Variants in DNTTIP1 observed in about 807,000 individuals in gnomAD.
DNTTIP1 encodes deoxynucleotidyltransferase terminal interacting protein 1, also known as deoxynucleotidyltransferase terminal-interacting protein 1.
In DNTTIP1, 22 loss-of-function variants were observed where a neutral mutation model predicts 52.9. That is an observed-to-expected ratio of 0.42 (90% confidence interval 0.30 to 0.59). DNTTIP1 has a LOEUF of 0.59. DNTTIP1 is among the 20% of genes least tolerant of loss of function. The probability of loss-of-function intolerance (pLI) is 0.22; values close to 1 mark genes in which losing one functional copy is unlikely to be tolerated. For missense variants in DNTTIP1, 286 were observed against 435.5 expected (o/e 0.66, Z 3.06); for synonymous variants, 136 against 155.1 (o/e 0.88, Z 0.92).
chr20:45,806,695 G>T (rs4812964), intron 10 of DNTTIP1, among the ~76,000 whole-genome samples: 8,763 of 152,304 alleles, frequency 0.058, 632 homozygotes, highest in African/African-American at 0.16. Flanking sequence ...TTCTTTGAAA[G>T]GCATACCTGC....
At chr20:45,795,951 AT>A (rs903215190) in intron 4 of DNTTIP1, among the ~76,000 whole-genome samples, 44 of 151,558 alleles carry the variant, frequency 2.9e-4, no homozygotes, top group Admixed American at 2.0e-3. Context: ...TAAATGCATT[AT>A]TTTTTTTTAT....
rs1217506806 is a variant in DNTTIP1, at chr20:45,808,732, G to A, written c.724-382G>A. On this transcript the variant is annotated intron_variant, in intron 10 of 12. Transcript: ENST00000372622. ...TTAACCATGATGCTATTATGCGTCC[G>A]AGAGTACATGAGGTGTCCCGATTTT... 5.9e-5 allele frequency among the ~76,000 whole-genome samples: 9 copies of A among 152,090 alleles called. No homozygotes were observed. The East Asian group carries it at 9.6e-4, about 16-fold the overall frequency.
At position 45,809,614 on chromosome 20, in the gene DNTTIP1, A is replaced by C. The variant is rs142884508; in HGVS notation, c.795+429A>C. On this transcript the variant is annotated intron_variant, in intron 11 of 12. Transcript: ENST00000372622. The surrounding 1 kb of genome is among the most constrained non-coding windows in gnomAD (Gnocchi z 4.2). ...CCTTGTCAGTAGGAGTTAGCAATGA[A>C]ATGTGTTTGCACACTTGGCAGCCCC... Among the ~76,000 whole-genome samples the C allele has an allele frequency of 7.3e-3, 1,114 of 152,380 alleles. 8 individuals are homozygous for C. Among genetic ancestry groups the C allele is most frequent in the Non-Finnish European group, 0.012 (830 of 68,036 alleles).
intron 4 of DNTTIP1, among the ~76,000 whole-genome samples, chr20:45,799,534 T>C (rs1023487056): frequency 7.2e-5 from 11 of 152,180 alleles, no homozygotes; most frequent in Middle Eastern, 3.2e-3. Context: ...GCCCAGCTTT[T>C]TTTACAGCCT....
At chr20:45,794,544 T>C (rs995024171) in intron 3 of DNTTIP1, among the ~76,000 whole-genome samples, 1 of 151,746 alleles carries the variant, frequency 6.6e-6, no homozygotes, top group Non-Finnish European at 1.5e-5. Context: ...ACGCACGTGG[T>C]TTTTTTTGCT....
At position 45,800,688 on chromosome 20, in the gene DNTTIP1, AAAAAAAATATATATATATATATAT is replaced by A. The variant is rs1568707626; in HGVS notation, c.373-384_373-361del. Among the ~76,000 whole-genome samples, 30 of 55,876 alleles carry A rather than the reference AAAAAAAATATATATATATATATAT, an allele frequency of 5.4e-4. 2 individuals carry two copies. The highest frequency in any genetic ancestry group is 2.7e-3 in the African/African-American group (29 of 10,824). The allele number at this position is 55,876 out of a possible 152,430, so 36.7% of individuals were successfully genotyped here. A position where few individuals can be genotyped will look rare whatever the true frequency, so the allele number is the denominator to read the frequency against. ...AAACTCCATCTCAATTTAAAAAAAA[AAAAAAAATATATATATATATATAT>A]ATATATATATATATATATATATATA... On this transcript the variant is annotated intron_variant, in intron 4 of 12. Coordinates refer to ENST00000372622, the MANE Select transcript of DNTTIP1 (RefSeq NM_052951.3).
chr20:45,795,089 C>T (rs1398797188), intron 3 of DNTTIP1, among the ~76,000 whole-genome samples: 5 of 152,104 alleles, frequency 3.3e-5, no homozygotes, highest in Non-Finnish European at 5.9e-5. Flanking sequence ...TGAGCCACCG[C>T]GCCCGTCCTG....
Position 45,795,326 on chromosome 20 carries a change from C to G in DNTTIP1, c.274-19C>G, listed in dbSNP as rs762755306. 13 of 1,534,780 alleles carry G rather than the reference C, an allele frequency of 8.5e-6. No individual in the cohort carries two copies. The South Asian group carries it at 1.5e-4, about 18-fold the overall frequency. ...ACATTAACAGGACTCTGACCTTGTC[C>G]TCTGTTGTGCTCCCCTAGTTCTTCC... is the stretch of plus-strand genomic sequence containing the variant. On this transcript the variant is annotated intron_variant, in intron 3 of 12. Coordinates refer to ENST00000372622, the MANE Select transcript of DNTTIP1 (RefSeq NM_052951.3).
rs1432112830 is a variant in DNTTIP1 at position 45,800,734 on chromosome 20, T to C, written c.373-340T>C. ...ATATATATATATATATATATATATA[T>C]ATATATATATATATATATATATTTG... On this transcript the variant is annotated intron_variant, in intron 4 of 12. Coordinates refer to ENST00000372622, the MANE Select transcript of DNTTIP1 (RefSeq NM_052951.3). Among the ~76,000 whole-genome samples the C allele has an allele frequency of 8.3e-5, 5 of 60,598 alleles. 1 individual carries two copies. Among genetic ancestry groups the C allele is most frequent in the Non-Finnish European group, 9.6e-5 (3 of 31,302 alleles). 39.8% of individuals were successfully genotyped at this position (60,598 alleles called of 152,430 possible).
chr20:45,796,867 C>T (rs553599345), intron 4 of DNTTIP1, among the ~76,000 whole-genome samples: 2 of 152,244 alleles, frequency 1.3e-5, no homozygotes, highest in South Asian at 4.2e-4. Context: ...GATCATTTCG[C>T]GTTTCTTGGA....
intron 4 of DNTTIP1, among the ~76,000 whole-genome samples, chr20:45,799,365 C>G (rs1486789957): frequency 2.0e-5 from 3 of 152,186 alleles, no homozygotes; most frequent in South Asian, 4.1e-4. Context: ...AGGGGGAGCC[C>G]TCAGCACTGT....
At position 45,801,898 on chromosome 20, in the gene DNTTIP1, T is replaced by C. The variant is rs6094212; in HGVS notation, c.499-101T>C. The stretch of plus-strand genomic sequence containing the variant: ...CCTGTCCCTGTCAAACATCATTTGA[T>C]CTCTTTGGAAAACCATCTCTGCCAA... On this transcript the variant is annotated intron_variant, in intron 6 of 12. Transcript: ENST00000372622. 6.6e-4 allele frequency: 766 copies of C among 1,159,338 alleles called. 8 individuals are homozygous for C. In the African/African-American group the frequency reaches 0.01, roughly 16 times the overall value. 71.8% of individuals were successfully genotyped at this position (1,159,338 alleles called of 1,614,324 possible).
intron 8 of DNTTIP1, among the ~76,000 whole-genome samples, chr20:45,803,939 T>C (rs543924438): frequency 6.6e-6 from 1 of 152,310 alleles, no homozygotes; most frequent in South Asian, 2.1e-4. Context: ...TCCCTCTCTC[T>C]CCTGAGTTCT....
In DNTTIP1 at chr20:45,803,724, A is replaced by G. The variant is rs1015060606; in HGVS notation, c.603+346A>G. ...TCTTTATAACAAACTTATGAGATCAATTCTGTGAACCATTCTATAAATGAG... is the reference window on the plus strand; with the variant it reads ...TCTTTATAACAAACTTATGAGATCAGTTCTGTGAACCATTCTATAAATGAG... On this transcript the variant is annotated intron_variant, in intron 8 of 12. Transcript: ENST00000372622. 2.6e-5 allele frequency among the ~76,000 whole-genome samples: 4 copies of G among 152,200 alleles called. No individual in the cohort carries two copies. In the East Asian group the frequency reaches 5.8e-4, roughly 22 times the overall value.
chr20:45,809,565 C>T lies in DNTTIP1; in HGVS notation c.795+380C>T, dbSNP rs965360104. Among the ~76,000 whole-genome samples, 3 of 152,252 alleles carry T rather than the reference C, an allele frequency of 2.0e-5. No homozygotes were observed. The highest frequency in any genetic ancestry group is 4.4e-5 in the Non-Finnish European group (3 of 68,042). On this transcript the variant is annotated intron_variant, in intron 11 of 12. Transcript: ENST00000372622. This position sits in a 1 kb window ranked among gnomAD's most constrained non-coding sequence, Gnocchi z 4.2. ...CAGACACAGCTATAGAATCTTTTCTCAACACAGTACTTGAGGCAGCAACCC... is the reference window on the plus strand; with the variant it reads ...CAGACACAGCTATAGAATCTTTTCTTAACACAGTACTTGAGGCAGCAACCC...
At chr20:45,798,688 C>T (rs774225537) in intron 4 of DNTTIP1, among the ~76,000 whole-genome samples, 34 of 152,106 alleles carry the variant, frequency 2.2e-4, no homozygotes, top group Admixed American at 4.6e-4. Flanking sequence ...TCTATAAAGC[C>T]GGCTCCTTCT....
At chr20:45,803,460 G>T (rs1334941767) in intron 8 of DNTTIP1, 82 bp downstream of exon 8, 3 of 1,523,268 alleles carry the variant, frequency 2.0e-6, no homozygotes, top group Non-Finnish European at 2.7e-6. Context: ...AGGGAAAGGG[G>T]CAGGGGGCGA....
At chr20:45,811,032 C>T in intron 12 of DNTTIP1, 25 bp from the exon 13 acceptor site, 1 of 1,613,232 alleles carries the variant, frequency 6.2e-7, no homozygotes, top group Middle Eastern at 1.6e-4. Flanking sequence ...CTTCCCCCAA[C>T]TTCTCTCTTC....
chr20:45,793,291 G>C (rs905182562), intron 2 of DNTTIP1, among the ~76,000 whole-genome samples: 4 of 152,064 alleles, frequency 2.6e-5, no homozygotes, highest in Non-Finnish European at 5.9e-5. Context: ...GGCCGGGCGC[G>C]GTGGCTCACG....
Sources: gnomAD v4.1 joint callset for allele counts (sites outside exome capture counted in the v4.1 genomes callset) on GRCh38, gnomAD v4.1.1 for gene constraint, Gnocchi (gnomAD v3.1) non-coding constraint, MANE v1.5 for transcripts, NCBI Gene and HGNC (gene_info 2026-07-23, HGNC 2026-07-21) for gene names.